RAP1A: variants seen among roughly 807,000 people sequenced by gnomAD.
The protein encoded by RAP1A is RAP1A, member of RAS oncogene family.
RAP1A carries 6 observed loss-of-function variants against 26.4 expected under a neutral mutation model. The observed-to-expected ratio is 0.23, with a 90% CI of 0.12 to 0.45. The LOEUF (loss-of-function observed/expected upper bound fraction) is 0.45, where lower values mean the gene tolerates loss of function less well. Ranked by LOEUF, RAP1A falls within the 20% of genes least tolerant of loss-of-function variation. RAP1A has a pLI of 0.99. For missense variants in RAP1A, 121 were observed against 217.2 expected (o/e 0.56, Z 2.78); for synonymous variants, 73 against 79.4 (o/e 0.92, Z 0.43).
chr1:111,691,493 T>A, intron 2 of RAP1A, 76 bp downstream of exon 2: 1 of 1,343,374 alleles, frequency 7.4e-7, no homozygotes, highest in Admixed American at 1.8e-5. Context: ...TTCAGACTTC[T>A]AGATGCCAAA....
chr1:111,605,575 T>A (rs1658754533), intron 1 of RAP1A, among the ~76,000 whole-genome samples: 1 of 152,226 alleles, frequency 6.6e-6, no homozygotes, highest in Non-Finnish European at 1.5e-5. Flanking sequence ...TTGGAATTCA[T>A]GGATTAATTT....
chr1:111,583,489 C>A (rs546086523), intron 1 of RAP1A, among the ~76,000 whole-genome samples: 3 of 151,230 alleles, frequency 2.0e-5, no homozygotes, highest in Non-Finnish European at 4.4e-5. Flanking sequence ...AAAATACAGT[C>A]AGTTTAAGCA....
At chr1:111,640,066 A>G (rs1571518432) in intron 1 of RAP1A, among the ~76,000 whole-genome samples, 2 of 152,262 alleles carry the variant, frequency 1.3e-5, no homozygotes, top group African/African-American at 4.8e-5. Context: ...CTGCAAACAA[A>G]TGACAACCCA....
intron 1 of RAP1A, among the ~76,000 whole-genome samples, chr1:111,582,620 G>GTTCTAA (rs1658279642): frequency 2.0e-5 from 3 of 152,140 alleles, no homozygotes; most frequent in African/African-American, 4.8e-5. Context: ...AAGCAGCAGT[G>GTTCTAA]GGCACACGAT....
At chr1:111,586,191 A>G (rs1658361696) in intron 1 of RAP1A, among the ~76,000 whole-genome samples, 1 of 152,212 alleles carries the variant, frequency 6.6e-6, no homozygotes, top group Non-Finnish European at 1.5e-5. Context: ...CGGGAATCAT[A>G]GTGTAATTTT....
chr1:111,581,222 G>A (rs1489025940), intron 1 of RAP1A, among the ~76,000 whole-genome samples: 1 of 151,860 alleles, frequency 6.6e-6, no homozygotes. Flanking sequence ...GGATTGATTT[G>A]TTTTGCTTTT....
At chr1:111,600,597 T>C (rs1014500994) in intron 1 of RAP1A, among the ~76,000 whole-genome samples, 2 of 152,134 alleles carry the variant, frequency 1.3e-5, no homozygotes, top group Non-Finnish European at 2.9e-5. Flanking sequence ...CCCATTCCCT[T>C]TGAAATTCCT....
intron 1 of RAP1A, among the ~76,000 whole-genome samples, chr1:111,589,443 G>T (rs916248895): frequency 3.9e-5 from 6 of 152,076 alleles, no homozygotes; most frequent in Non-Finnish European, 7.4e-5. Flanking sequence ...ATGTTTCCAA[G>T]ATTTTATCCC....
chr1:111,562,129 G>A (rs1199700217), intron 1 of RAP1A, among the ~76,000 whole-genome samples: 2 of 152,044 alleles, frequency 1.3e-5, no homozygotes, highest in African/African-American at 4.8e-5. Flanking sequence ...TCTTTTCTAT[G>A]AGATGGTCTT....
intron 2 of RAP1A, among the ~76,000 whole-genome samples, chr1:111,693,961 T>C (rs550215502): frequency 1.3e-5 from 2 of 151,740 alleles, no homozygotes; most frequent in Admixed American, 1.3e-4. Context: ...TGATCATGGC[T>C]CACTGCATCT....
chr1:111,703,657 G>A (rs1050113586), intron 5 of RAP1A, among the ~76,000 whole-genome samples, 181 bp downstream of exon 5: 1 of 152,148 alleles, frequency 6.6e-6, no homozygotes, highest in Non-Finnish European at 1.5e-5. Flanking sequence ...GTGGTGAGAT[G>A]TTTAGAAAAT....
intron 1 of RAP1A, among the ~76,000 whole-genome samples, chr1:111,561,001 C>A (rs901439444): frequency 3.3e-5 from 5 of 152,240 alleles, no homozygotes; most frequent in African/African-American, 7.2e-5. Context: ...CCATCCTTTA[C>A]TAGGCTGAGT....
At chr1:111,617,037 T>C (rs1659026304), upstream of RAP1A, among the ~76,000 whole-genome samples, 1 of 152,122 alleles carries the variant, frequency 6.6e-6, no homozygotes, top group Admixed American at 6.5e-5. Flanking sequence ...TGCATGTGTG[T>C]GTATGCGCAT....
intron 1 of RAP1A, among the ~76,000 whole-genome samples, chr1:111,667,837 G>C (rs1660845112): frequency 6.6e-6 from 1 of 152,176 alleles, no homozygotes; most frequent in Non-Finnish European, 1.5e-5. Context: ...AGGCTAAAAA[G>C]TAAGTGAAAG....
At chr1:111,678,016 G>A (rs34789051) in intron 1 of RAP1A, among the ~76,000 whole-genome samples, 20,118 of 152,130 alleles carry the variant, frequency 0.13, 2,028 homozygotes, top group African/African-American at 0.29. Context: ...TATGTTTGTC[G>A]TTATGCTGAT....
At chr1:111,550,436 C>A (rs1236515919) in intron 1 of RAP1A, among the ~76,000 whole-genome samples, 2 of 151,976 alleles carry the variant, frequency 1.3e-5, no homozygotes, top group African/African-American at 2.4e-5. Context: ...GATTTGAGAT[C>A]TTTCTTCTTT....
chr1:111,623,364 TTC>T (rs1248370542), intron 1 of RAP1A, among the ~76,000 whole-genome samples: 1 of 151,866 alleles, frequency 6.6e-6, no homozygotes, highest in African/African-American at 2.4e-5. Context: ...TTTGTTTAAT[TTC>T]TGTTTTGTAT....
intron 1 of RAP1A, among the ~76,000 whole-genome samples, chr1:111,599,056 G>A (rs1658617023): frequency 6.6e-6 from 1 of 152,184 alleles, no homozygotes; most frequent in African/African-American, 2.4e-5. Context: ...AAGGGGCACA[G>A]AGCTTCCATG....
At chr1:111,678,902 T>A (rs959342260) in intron 1 of RAP1A, among the ~76,000 whole-genome samples, 3 of 152,184 alleles carry the variant, frequency 2.0e-5, no homozygotes, top group African/African-American at 7.2e-5. Context: ...CTTCTTCCTT[T>A]TGCATATGTA....
Sources: allele counts gnomAD v4.1 joint callset (sites outside exome capture counted in the v4.1 genomes callset), GRCh38; gene constraint gnomAD v4.1.1; transcripts MANE v1.5; gene names NCBI Gene and HGNC (gene_info 2026-07-23, HGNC 2026-07-21).